CCNY: variants seen among roughly 807,000 people sequenced by gnomAD.
CCNY encodes cyclin-Y.
Under a neutral mutation model 42.8 loss-of-function variants are expected in CCNY, and 19 were observed. The ratio of observed to expected loss-of-function variants is 0.44; its 90% CI spans 0.31 to 0.65. CCNY has a LOEUF of 0.65. Ranked by LOEUF, CCNY falls within the 30% of genes least tolerant of loss-of-function variation. The pLI, the probability that CCNY is intolerant of heterozygous loss-of-function variation, is 0.07. For missense variants in CCNY, 370 were observed against 437.3 expected (o/e 0.85, Z 1.37); for synonymous variants, 165 against 162.7 (o/e 1.01, Z -0.11).
Position 35,569,374 on chromosome 10 carries a change from C to T in CCNY, c.*204C>T. 1.7e-6 allele frequency: 1 copy of T among 572,812 alleles called. No individual in the cohort carries two copies. The highest frequency in any genetic ancestry group is 3.1e-6 in the Non-Finnish European group (1 of 320,062). The allele number at this position is 572,812 out of a possible 1,614,324, so 35.5% of individuals were successfully genotyped here. A position where few individuals can be genotyped will look rare whatever the true frequency, so the allele number is the denominator to read the frequency against. On this transcript the variant is annotated 3_prime_UTR_variant, in exon 10 of 10. Transcript: ENST00000374704. ...TGGAGATCCCAGCTCGCTCTCCCCA[C>T]TGTCAGCAACAGCACTTCCTTCGTG... is the stretch of plus-strand genomic sequence containing the variant.
At chr10:35,498,702 G>A (rs965921925) in intron 2 of CCNY, among the ~76,000 whole-genome samples, 3 of 152,166 alleles carry the variant, frequency 2.0e-5, no homozygotes, top group Non-Finnish European at 4.4e-5. Flanking sequence ...TTGGGGGCGC[G>A]GAAGACGCTC....
chr10:35,264,919 G>A (rs1418286042), intron 3 of CCNY, among the ~76,000 whole-genome samples: 3 of 152,080 alleles, frequency 2.0e-5, no homozygotes, highest in South Asian at 2.1e-4. Flanking sequence ...CTGAGCCACC[G>A]CGCCCGGCCT....
At chr10:35,563,080 G>A (rs1345939975) in intron 8 of CCNY, among the ~76,000 whole-genome samples, 2 of 151,748 alleles carry the variant, frequency 1.3e-5, no homozygotes, top group Non-Finnish European at 2.9e-5. Flanking sequence ...GCCCATTCTT[G>A]GCATCACGTT....
intron 3 of CCNY, among the ~76,000 whole-genome samples, chr10:35,296,060 C>T (rs1037663362): frequency 3.3e-5 from 5 of 152,136 alleles, no homozygotes; most frequent in East Asian, 1.9e-4. Context: ...TAGCACTAAA[C>T]GTCCACATCA....
chr10:35,349,918 A>C, intron 1 of CCNY, among the ~76,000 whole-genome samples: 1 of 152,236 alleles, frequency 6.6e-6, no homozygotes. Flanking sequence ...TTAGTAGAGC[A>C]ATTTGCAGTG....
chr10:35,552,387 G>C (rs147243928), intron 7 of CCNY, among the ~76,000 whole-genome samples: 1,619 of 152,282 alleles, frequency 0.011, 40 homozygotes, highest in African/African-American at 0.037. Flanking sequence ...TTATTTAACG[G>C]GTATAGAGTT....
upstream of CCNY, chr10:35,332,470 T>A (rs547100458): frequency 1.3e-5 from 2 of 152,340 alleles, no homozygotes; most frequent in East Asian, 3.9e-4. Flanking sequence ...TATCAGTAGA[T>A]CTATAAATTA....
intron 1 of CCNY, among the ~76,000 whole-genome samples, chr10:35,380,369 A>T (rs1837153966): frequency 6.6e-6 from 1 of 152,070 alleles, no homozygotes; most frequent in African/African-American, 2.4e-5. Flanking sequence ...CCTGATTTCC[A>T]CCTGGGAATC....
chr10:35,297,940 T>C (rs929754703), intron 3 of CCNY, among the ~76,000 whole-genome samples: 2 of 151,002 alleles, frequency 1.3e-5, no homozygotes, highest in Admixed American at 6.6e-5. Flanking sequence ...ATATTTAACA[T>C]CACTCCTATC....
intron 3 of CCNY, among the ~76,000 whole-genome samples, chr10:35,280,221 G>A (rs1362572118): frequency 6.6e-6 from 1 of 152,126 alleles, no homozygotes. Flanking sequence ...CAGCTACTCA[G>A]GAGGCTGAGG....
upstream of CCNY, among the ~76,000 whole-genome samples, chr10:35,333,944 C>T (rs956366035): frequency 2.0e-5 from 3 of 151,222 alleles, no homozygotes; most frequent in East Asian, 5.8e-4. Context: ...CTTTTCTCTC[C>T]AGGATTCTTG....
chr10:35,396,295 C>T (rs1435046255), intron 1 of CCNY, among the ~76,000 whole-genome samples: 1 of 152,184 alleles, frequency 6.6e-6, no homozygotes, highest in Non-Finnish European at 1.5e-5. Context: ...CAGGTCATTT[C>T]ATTCTCACAC....
intron 3 of CCNY, among the ~76,000 whole-genome samples, chr10:35,320,515 T>G (rs1481321165): frequency 2.0e-5 from 3 of 152,212 alleles, no homozygotes; most frequent in African/African-American, 7.2e-5. Flanking sequence ...TAACATTGTC[T>G]GTTAATGATG....
chr10:35,473,270 G>A (rs1415638457), intron 1 of CCNY, among the ~76,000 whole-genome samples: 7 of 152,250 alleles, frequency 4.6e-5, no homozygotes, highest in Non-Finnish European at 1.0e-4. Context: ...TCGTGGCAGA[G>A]CTCTCGGCTT....
At position 35,569,173 on chromosome 10, in the gene CCNY, A is replaced by C; in HGVS notation, c.*3A>C. On this transcript the variant is annotated 3_prime_UTR_variant, in exon 10 of 10. Transcript: ENST00000374704. ...GGTCCCCAGCCATCATCTCTTAACTACGGAGGCCCGCCGGAGGCCACACCA... is the reference window on the plus strand; with the variant it reads ...GGTCCCCAGCCATCATCTCTTAACTCCGGAGGCCCGCCGGAGGCCACACCA... The C allele has an allele frequency of 1.3e-6, 2 of 1,561,116 alleles. No homozygotes were observed. Among genetic ancestry groups the C allele is most frequent in the Non-Finnish European group, 1.8e-6 (2 of 1,134,564 alleles).
Position 35,538,640 on chromosome 10 carries a change from C to T in CCNY, c.579+8397C>T, listed in dbSNP as rs567709681. ...GAAGTATCTATTTACATTCTTTGCCCATTTTAAGAACGGGTTGTCTTTTAG... is the reference window on the plus strand; with the variant it reads ...GAAGTATCTATTTACATTCTTTGCCTATTTTAAGAACGGGTTGTCTTTTAG... On this transcript the variant is annotated intron_variant, in intron 7 of 9. Coordinates refer to ENST00000374704, the MANE Select transcript of CCNY (RefSeq NM_145012.6). 3.3e-5 allele frequency among the ~76,000 whole-genome samples: 5 copies of T among 152,282 alleles called. No homozygotes were observed. The South Asian group carries it at 1.0e-3, about 32-fold the overall frequency.
chr10:35,552,698 C>A (rs1236106902), intron 7 of CCNY, among the ~76,000 whole-genome samples: 1 of 152,198 alleles, frequency 6.6e-6, no homozygotes, highest in African/African-American at 2.4e-5. Context: ...CATTCTCTGT[C>A]CTTTCTGTTG....
intron 1 of CCNY, among the ~76,000 whole-genome samples, chr10:35,338,055 T>C (rs1344299181): frequency 6.6e-6 from 1 of 152,212 alleles, no homozygotes; most frequent in Non-Finnish European, 1.5e-5. Context: ...TAAAATATAG[T>C]TTATAGAATT....
At chr10:35,337,448 C>T (rs1836069264) in intron 1 of CCNY, among the ~76,000 whole-genome samples, 1 of 152,186 alleles carries the variant, frequency 6.6e-6, no homozygotes, top group Non-Finnish European at 1.5e-5. Flanking sequence ...GCACGGCGGG[C>T]CTAGGGCGGG....
Sources: gnomAD v4.1 joint callset for allele counts (sites outside exome capture counted in the v4.1 genomes callset) on GRCh38, gnomAD v4.1.1 for gene constraint, MANE v1.5 for transcripts, NCBI Gene and HGNC (gene_info 2026-07-23, HGNC 2026-07-21) for gene names.